FAM133B: variants seen among roughly 807,000 people sequenced by gnomAD.
FAM133B encodes protein FAM133B.
Under a neutral mutation model 46.4 loss-of-function variants are expected in FAM133B, and 25 were observed. The observed-to-expected ratio is 0.54, with a 90% CI of 0.39 to 0.75. The LOEUF (loss-of-function observed/expected upper bound fraction) is 0.75. Ranked by LOEUF, FAM133B falls within the 30% of genes least tolerant of loss-of-function variation. FAM133B has a pLI of 0.00. For missense variants in FAM133B, 205 were observed against 277.6 expected (o/e 0.74, Z 1.86); for synonymous variants, 75 against 86.0 (o/e 0.87, Z 0.71).
chr7:92,575,003 A>ATAACCAGAATAACAATTTTAAATGT (rs970194419), intron 8 of FAM133B, among the ~76,000 whole-genome samples: 8 of 152,090 alleles, frequency 5.3e-5, no homozygotes, highest in African/African-American at 1.9e-4. Flanking sequence ...TTTATTTTTA[A>ATAACCAGAATAACAATTTTAAATGT]TAACCAGAAT....
intron 8 of FAM133B, among the ~76,000 whole-genome samples, chr7:92,572,664 A>T (rs150190323): frequency 0.064 from 9,709 of 152,302 alleles, 392 homozygotes; most frequent in Non-Finnish European, 0.087. Flanking sequence ...GGTTGCAGTG[A>T]GCCAAGATTG....
chr7:92,587,907 T>G (rs1795083136), intron 1 of FAM133B, among the ~76,000 whole-genome samples: 1 of 151,950 alleles, frequency 6.6e-6, no homozygotes, highest in Admixed American at 6.6e-5. Flanking sequence ...TATGCACGAG[T>G]GGGGTCAGGA....
intron 9 of FAM133B, among the ~76,000 whole-genome samples, chr7:92,567,004 A>AGTTCAAGACCAGCCT (rs1214312507): frequency 2.6e-5 from 4 of 152,266 alleles, no homozygotes; most frequent in African/African-American, 9.6e-5. Flanking sequence ...TGAGGCCAGG[A>AGTTCAAGACCAGCCT]GTTCAAGACC....
intron 1 of FAM133B, among the ~76,000 whole-genome samples, chr7:92,588,968 C>A (rs763365710): frequency 3.3e-5 from 5 of 152,196 alleles, no homozygotes; most frequent in Non-Finnish European, 5.9e-5. Context: ...AAACACTTTT[C>A]TTTATAAATT....
chr7:92,570,922 G>A (rs564249928), intron 8 of FAM133B, among the ~76,000 whole-genome samples: 5 of 152,254 alleles, frequency 3.3e-5, no homozygotes, highest in Admixed American at 2.0e-4. Flanking sequence ...CTAAGTGTAT[G>A]TTTACAATAT....
rs936839383 is a variant in FAM133B at position 92,590,357 on chromosome 7, C to A, written c.-66G>T. The A allele has an allele frequency of 6.2e-6, 10 of 1,609,196 alleles. No homozygotes were observed. Among genetic ancestry groups the A allele is most frequent in the Admixed American group, 3.4e-5 (2 of 59,582 alleles). ...GGGCCGGAGAGACTGCCGAAGAGGG[C>A]CTGCCGCAGGTCCTCTTGCCGCCTC... On this transcript the variant is annotated 5_prime_UTR_variant, in exon 1 of 11. Transcript: ENST00000445716.
chr7:92,577,221 T>A, intron 6 of FAM133B, 26 bp from the exon 7 acceptor site: 1 of 1,384,272 alleles, frequency 7.2e-7, no homozygotes, highest in Non-Finnish European at 9.6e-7. Flanking sequence ...TTAGAAACAT[T>A]TGCTTTCTGT....
At chr7:92,582,064 C>T (rs1005510220) in intron 1 of FAM133B, among the ~76,000 whole-genome samples, 4 of 152,034 alleles carry the variant, frequency 2.6e-5, no homozygotes, top group African/African-American at 7.2e-5. Context: ...GCCTGGCCGA[C>T]GTGGTGAAAC....
At chr7:92,583,946 A>G (rs914121037) in intron 1 of FAM133B, among the ~76,000 whole-genome samples, 1 of 143,824 alleles carries the variant, frequency 7.0e-6, no homozygotes, top group Admixed American at 7.2e-5. Context: ...CCTACTCAGG[A>G]GGCTGAGGCA....
chr7:92,577,886 G>T, intron 5 of FAM133B, 169 bp from the exon 6 acceptor site: 1 of 675,950 alleles, frequency 1.5e-6, no homozygotes, highest in Non-Finnish European at 2.5e-6. Context: ...CTGTACAAAA[G>T]CTCAACAAGT....
intron 8 of FAM133B, among the ~76,000 whole-genome samples, chr7:92,571,574 A>G (rs1455157425): frequency 6.6e-6 from 1 of 152,082 alleles, no homozygotes; most frequent in Non-Finnish European, 1.5e-5. Context: ...CTCTAGTTGC[A>G]TTTTCATACA....
chr7:92,581,871 C>CCTA, intron 1 of FAM133B: 1 of 328,340 alleles, frequency 3.0e-6, no homozygotes, highest in South Asian at 3.8e-5. Context: ...ATACCTCTGA[C>CCTA]CTACTGATGG....
chr7:92,590,341 A>C lies in FAM133B; in HGVS notation c.-50T>G. The C allele has an allele frequency of 1.9e-6, 3 of 1,611,344 alleles. No individual in the cohort carries two copies. The highest frequency in any genetic ancestry group is 2.5e-6 in the Non-Finnish European group (3 of 1,179,096). On this transcript the variant is annotated 5_prime_UTR_variant, in exon 1 of 11. Coordinates refer to ENST00000445716, the MANE Select transcript of FAM133B (RefSeq NM_152789.4). The stretch of plus-strand genomic sequence containing the variant: ...CACGCCGAGGGAAACCGGGCCGGAG[A>C]GACTGCCGAAGAGGGCCTGCCGCAG...
chr7:92,579,911 A>T (rs1794816821), intron 2 of FAM133B, among the ~76,000 whole-genome samples: 1 of 152,234 alleles, frequency 6.6e-6, no homozygotes, highest in Non-Finnish European at 1.5e-5. Flanking sequence ...CTGACTGCTT[A>T]ATCTTGGAAA....
chr7:92,576,744 G>A (rs890999414), intron 7 of FAM133B, among the ~76,000 whole-genome samples: 6 of 152,132 alleles, frequency 3.9e-5, no homozygotes, highest in East Asian at 1.9e-4. Flanking sequence ...ATTTAGGTAC[G>A]GTATAGTAGA....
intron 8 of FAM133B, 80 bp from the exon 9 acceptor site, chr7:92,569,995 C>T (rs1479533737): frequency 1.7e-6 from 1 of 575,302 alleles, no homozygotes; most frequent in Non-Finnish European, 2.7e-6. Context: ...CTATTTAATT[C>T]TTCTAATTAT....
chr7:92,580,739 T>C (rs1283154082), intron 2 of FAM133B, among the ~76,000 whole-genome samples: 1 of 152,224 alleles, frequency 6.6e-6, no homozygotes, highest in East Asian at 1.9e-4. Flanking sequence ...CTTGATGATT[T>C]CTGATACACA....
intron 10 of FAM133B, among the ~76,000 whole-genome samples, chr7:92,564,317 C>A (rs544145989): frequency 1.8e-4 from 27 of 152,306 alleles, no homozygotes; most frequent in Admixed American, 5.2e-4. Flanking sequence ...CCCACAGTAT[C>A]TCTCTCACGT....
intron 5 of FAM133B, 49 bp downstream of exon 5, chr7:92,578,101 T>C (rs1794755149): frequency 1.3e-6 from 2 of 1,495,226 alleles, no homozygotes; most frequent in African/African-American, 1.4e-5. Flanking sequence ...TTACTTTTTT[T>C]GTTGGCTCTT....
Sources: allele counts gnomAD v4.1 joint callset (sites outside exome capture counted in the v4.1 genomes callset), GRCh38; gene constraint gnomAD v4.1.1; transcripts MANE v1.5; gene names NCBI Gene and HGNC (gene_info 2026-07-23, HGNC 2026-07-21).